The following PRKCQ variants were observed in gnomAD, a reference collection of about 807,000 sequenced individuals.
PRKCQ encodes the protein protein kinase C theta type.
PRKCQ carries 41 observed loss-of-function variants against 91.2 expected under a neutral mutation model. That is an observed-to-expected ratio of 0.45 (90% CI 0.35 to 0.58). The LOEUF is 0.58. Among genes scored for constraint, PRKCQ ranks in the 20% least tolerant of loss-of-function variants. The pLI, the probability that PRKCQ is intolerant of heterozygous loss-of-function variation, is 0.00. For synonymous variants in PRKCQ, 307 were observed against 316.9 expected (o/e 0.97, Z 0.33); for missense variants, 673 against 896.5 (o/e 0.75, Z 3.18).
chr10:6,513,161 C>T (rs1838568742), intron 2 of PRKCQ, among the ~76,000 whole-genome samples: 1 of 152,196 alleles, frequency 6.6e-6, no homozygotes, highest in African/African-American at 2.4e-5. Flanking sequence ...CACAACCCCG[C>T]AGCCCCGTAG....
At chr10:6,429,377 A>C (rs1323153450) in intron 17 of PRKCQ, among the ~76,000 whole-genome samples, 1 of 152,240 alleles carries the variant, frequency 6.6e-6, no homozygotes, top group Non-Finnish European at 1.5e-5. Context: ...TGGTTCTGTC[A>C]CAAGTAATTA....
intron 1 of PRKCQ, among the ~76,000 whole-genome samples, chr10:6,568,186 G>A (rs1225500139): frequency 6.6e-6 from 1 of 152,070 alleles, no homozygotes; most frequent in Non-Finnish European, 1.5e-5. Flanking sequence ...CTGCATTCCA[G>A]CCTGGGTGAC....
chr10:6,481,162 TGGGGG>T (rs1836578551), intron 11 of PRKCQ, among the ~76,000 whole-genome samples: 1 of 152,064 alleles, frequency 6.6e-6, no homozygotes, highest in Non-Finnish European at 1.5e-5. Flanking sequence ...GGACATGGAG[TGGGGG>T]AAACCTGGGG....
chr10:6,482,081 G>A (rs1439197112), intron 11 of PRKCQ, among the ~76,000 whole-genome samples: 2 of 149,418 alleles, frequency 1.3e-5, no homozygotes, highest in Non-Finnish European at 3.0e-5. Context: ...CCACCTGCAT[G>A]TATGGCAGGA....
At chr10:6,451,741 G>T (rs1363024685) in intron 15 of PRKCQ, among the ~76,000 whole-genome samples, 2 of 152,188 alleles carry the variant, frequency 1.3e-5, no homozygotes, top group African/African-American at 4.8e-5. Context: ...GATCAAATGG[G>T]CTTCATCCCT....
downstream of PRKCQ, among the ~76,000 whole-genome samples, chr10:6,424,162 C>T (rs1833066044): frequency 6.6e-6 from 1 of 152,170 alleles, no homozygotes; most frequent in African/African-American, 2.4e-5. Context: ...GCCCACCATC[C>T]ATTCAGACCT....
chr10:6,464,295 C>T lies in PRKCQ; in HGVS notation c.1445+18G>A, dbSNP rs778541524. The T allele has an allele frequency of 1.3e-5, 21 of 1,604,532 alleles. No homozygotes were observed. Among genetic ancestry groups the T allele is most frequent in the African/African-American group, 4.0e-5 (3 of 74,188 alleles). The stretch of plus-strand genomic sequence containing the variant: ...ACAAGAACAGTGGAAAACTCCCAAA[C>T]CCTTTAAAGCCTCTTACGTCGCTCT... On this transcript the variant is annotated intron_variant, in intron 13 of 17. Coordinates refer to ENST00000263125, the MANE Select transcript of PRKCQ (RefSeq NM_006257.5).
At chr10:6,514,963 T>G (rs1838677934) in intron 2 of PRKCQ, 55 bp downstream of exon 2, 37 of 1,610,318 alleles carry the variant, frequency 2.3e-5, no homozygotes, top group Non-Finnish European at 2.9e-5. Context: ...TCATACACAG[T>G]TCATAGCAGG....
At chr10:6,578,178 TC>T (rs1203802520) in intron 1 of PRKCQ, among the ~76,000 whole-genome samples, 1 of 152,194 alleles carries the variant, frequency 6.6e-6, no homozygotes, top group Non-Finnish European at 1.5e-5. Context: ...TCGAACACCA[TC>T]CCCTTGTTGC....
At chr10:6,558,949 G>C (rs10752357) in intron 1 of PRKCQ, among the ~76,000 whole-genome samples, 136,608 of 152,144 alleles carry the variant, frequency 0.9, 62,232 homozygotes, top group East Asian at 1. Context: ...CAGAGAGGCA[G>C]GTCCCGTCAG....
At chr10:6,481,386 C>T (rs1300132524) in intron 11 of PRKCQ, among the ~76,000 whole-genome samples, 3 of 152,216 alleles carry the variant, frequency 2.0e-5, no homozygotes, top group Non-Finnish European at 4.4e-5. Flanking sequence ...AGACAATTTC[C>T]ATCTATATAA....
At chr10:6,445,928 G>A (rs1263469320) in intron 15 of PRKCQ, among the ~76,000 whole-genome samples, 2 of 152,208 alleles carry the variant, frequency 1.3e-5, no homozygotes, top group African/African-American at 2.4e-5. Flanking sequence ...AAACAACTTC[G>A]TTTTGGCAGG....
At chr10:6,404,255 G>GGGGA in the PRKCQ span, among the ~76,000 whole-genome samples, 14 of 34,366 alleles carry the variant, frequency 4.1e-4, no homozygotes, top group Admixed American at 2.6e-3. Flanking sequence ...GAAGGGGGGG[G>GGGGA]GAGAGAGAGA....
chr10:6,561,611 T>C (rs933465936), intron 1 of PRKCQ, among the ~76,000 whole-genome samples: 2 of 152,194 alleles, frequency 1.3e-5, no homozygotes, highest in Admixed American at 1.3e-4. Context: ...AAAAATAATT[T>C]ATGTAGATCT....
the PRKCQ span, among the ~76,000 whole-genome samples, chr10:6,414,964 T>A: frequency 6.6e-6 from 1 of 152,042 alleles, no homozygotes; most frequent in Non-Finnish European, 1.5e-5. Context: ...TTTTTAATTT[T>A]AATTTAATTT....
the PRKCQ span, among the ~76,000 whole-genome samples, chr10:6,405,988 C>T: frequency 6.6e-6 from 1 of 152,200 alleles, no homozygotes; most frequent in Non-Finnish European, 1.5e-5. Context: ...CTACCAAGAG[C>T]TCGCACATTC....
intron 15 of PRKCQ, among the ~76,000 whole-genome samples, chr10:6,442,653 C>A (rs1834034179): frequency 6.6e-6 from 1 of 152,088 alleles, no homozygotes; most frequent in Non-Finnish European, 1.5e-5. Context: ...GGAAAGAGAA[C>A]CTAGGATAGC....
Position 6,479,012 on chromosome 10 carries a change from A to C in PRKCQ, c.1333T>G (p.Phe445Val), listed in dbSNP as rs200002531. ...CATACCTTGGTCTGGAATGTACAAA[A>C]CATGTGCGTCAGAAACGGATGCTCC... ...AWEHPFLTHM[F>V]CTFQTKENLF... The change falls in exon 12 of 18, where the codon TTT becomes GTT. Residue 445 changes from phenylalanine (F) to valine (V), a missense_variant. Coordinates refer to ENST00000263125, the MANE Select transcript of PRKCQ (RefSeq NM_006257.5). The C allele has an allele frequency of 9.8e-5, 158 of 1,614,138 alleles. No individual in the cohort carries two copies. Among genetic ancestry groups the C allele is most frequent in the Non-Finnish European group, 1.3e-4 (157 of 1,180,014 alleles).
the PRKCQ span, among the ~76,000 whole-genome samples, chr10:6,399,281 T>A: frequency 6.6e-6 from 1 of 152,236 alleles, no homozygotes; most frequent in Non-Finnish European, 1.5e-5. Context: ...CTAGATGGTA[T>A]GTAAGCTAGT....
Sources: gnomAD v4.1 joint callset for allele counts (sites outside exome capture counted in the v4.1 genomes callset) on GRCh38, gnomAD v4.1.1 for gene constraint, MANE v1.5 for transcripts, NCBI Gene and HGNC (gene_info 2026-07-23, HGNC 2026-07-21) for gene names.